Variants in KCNMA1 observed in about 807,000 individuals in gnomAD.
KCNMA1 encodes the protein potassium calcium-activated channel subfamily M alpha 1.
A neutral mutation model predicts 140.0 loss-of-function variants in KCNMA1; 29 were observed. That is an observed-to-expected ratio of 0.21 (90% CI 0.15 to 0.28). The LOEUF (loss-of-function observed/expected upper bound fraction) is 0.28. KCNMA1 is among the 10% of genes least tolerant of loss of function. KCNMA1 has a pLI of 1.00. For synonymous variants in KCNMA1, 612 were observed against 611.9 expected (o/e 1.00, Z 0.00); for missense variants, 880 against 1,602.2 (o/e 0.55, Z 7.70).
rs186119488 is a variant in KCNMA1 at position 77,609,556 on chromosome 10, A to T, written c.378+27709T>A. Among the ~76,000 whole-genome samples the T allele has an allele frequency of 8.5e-5, 13 of 152,346 alleles. 1 individual carries two copies. The highest frequency in any genetic ancestry group is 8.5e-4 in the Admixed American group (13 of 15,304). On this transcript the variant is annotated intron_variant, in intron 1 of 27. Transcript: ENST00000286628. ...ATAACAATTAATAACAATGTATTGT[A>T]TTCTTGAAAACTGCTAAGAAAAGAG...
At chr10:77,119,061 C>T (rs760128509) in intron 6 of KCNMA1, among the ~76,000 whole-genome samples, 34 of 152,290 alleles carry the variant, frequency 2.2e-4, no homozygotes, top group Middle Eastern at 6.8e-3. Flanking sequence ...CCTTCCACCC[C>T]GTGACTCTTC....
intron 5 of KCNMA1, among the ~76,000 whole-genome samples, chr10:77,159,425 CT>C (rs1437098830): frequency 6.6e-6 from 1 of 152,054 alleles, no homozygotes; most frequent in East Asian, 1.9e-4. Context: ...TTATGTAGGG[CT>C]TTGAGTGAGC....
chr10:77,320,696 T>C (rs919422234), intron 2 of KCNMA1, among the ~76,000 whole-genome samples: 3 of 152,106 alleles, frequency 2.0e-5, no homozygotes, highest in African/African-American at 7.2e-5. Context: ...AGCAGACACA[T>C]TGAACTAAAT....
At chr10:77,016,462 T>C (rs2092061825) in intron 17 of KCNMA1, among the ~76,000 whole-genome samples, 1 of 152,198 alleles carries the variant, frequency 6.6e-6, no homozygotes, top group Admixed American at 6.5e-5. Context: ...ACACATTTGA[T>C]GGGCGAATGA....
intron 5 of KCNMA1, among the ~76,000 whole-genome samples, chr10:77,173,640 C>T (rs1009697161): frequency 6.6e-6 from 1 of 151,974 alleles, no homozygotes; most frequent in Non-Finnish European, 1.5e-5. Flanking sequence ...GACACCTGGC[C>T]CAAAAAGGGA....
At chr10:76,941,143 GGGAAGGGAAGGGAGGGAAGGGAA>G (rs1206436222) in intron 23 of KCNMA1, among the ~76,000 whole-genome samples, 3 of 88,282 alleles carry the variant, frequency 3.4e-5, no homozygotes, top group Non-Finnish European at 5.4e-5. Context: ...GGGAAGGGAA[GGGAAGGGAAGGGAGGGAAGGGAA>G]GGAAGGAAGG....
At chr10:77,363,120 A>ATTT (rs59354140) in intron 2 of KCNMA1, among the ~76,000 whole-genome samples, 46,937 of 150,956 alleles carry the variant, frequency 0.31, 7,350 homozygotes, top group Admixed American at 0.37. Context: ...AATTATTATT[A>ATTT]TTTTTTTTTT....
chr10:76,928,805 C>T (rs1392565892), intron 23 of KCNMA1, among the ~76,000 whole-genome samples: 1 of 151,988 alleles, frequency 6.6e-6, no homozygotes, highest in African/African-American at 2.4e-5. Context: ...GAGTTGTTGC[C>T]GACACAGGCA....
intron 2 of KCNMA1, among the ~76,000 whole-genome samples, chr10:77,332,858 C>T (rs1204400919): frequency 6.6e-6 from 1 of 152,216 alleles, no homozygotes; most frequent in African/African-American, 2.4e-5. Flanking sequence ...AAACACTGGG[C>T]TTATTTAGCA....
intron 6 of KCNMA1, among the ~76,000 whole-genome samples, chr10:77,117,536 T>G (rs537427680): frequency 3.1e-5 from 1 of 32,462 alleles, no homozygotes; most frequent in Non-Finnish European, 5.5e-5. Flanking sequence ...CAAGAGTCTA[T>G]CTCAAAAAAA....
intron 23 of KCNMA1, among the ~76,000 whole-genome samples, chr10:76,943,842 G>A (rs1339669631): frequency 1.3e-5 from 2 of 152,178 alleles, no homozygotes; most frequent in Non-Finnish European, 2.9e-5. Flanking sequence ...TGATGGGGAG[G>A]AGGTCAGACA....
chr10:77,388,096 A>G (rs1213461453), intron 2 of KCNMA1, among the ~76,000 whole-genome samples: 2 of 152,236 alleles, frequency 1.3e-5, no homozygotes, highest in Non-Finnish European at 2.9e-5. Context: ...CTTAAACACT[A>G]GAGCCAGATA....
At chr10:77,136,068 T>A (rs975869511) in intron 5 of KCNMA1, among the ~76,000 whole-genome samples, 5 of 152,192 alleles carry the variant, frequency 3.3e-5, no homozygotes, top group Non-Finnish European at 7.4e-5. Flanking sequence ...GTCTTATAAT[T>A]CCATTGTGGA....
At chr10:77,009,903 G>C (rs2090286203) in intron 18 of KCNMA1, among the ~76,000 whole-genome samples, 1 of 152,096 alleles carries the variant, frequency 6.6e-6, no homozygotes, top group Non-Finnish European at 1.5e-5. Context: ...GGCTATCTCT[G>C]AATTTATTTA....
Position 77,178,538 on chromosome 10 carries a change from C to T in KCNMA1, c.808+4883G>A, listed in dbSNP as rs961948438. Reference sequence around the variant, plus strand: ...CCTGGCCAACATGGCGATCCCGTCTCTACTAAAAATACAAACATTAGCTGG... The same window carrying T: ...CCTGGCCAACATGGCGATCCCGTCTTTACTAAAAATACAAACATTAGCTGG... On this transcript the variant is annotated intron_variant, in intron 5 of 27. Transcript: ENST00000286628. Among the ~76,000 whole-genome samples, 8 of 152,074 alleles carry T rather than the reference C, an allele frequency of 5.3e-5. No individual in the cohort carries two copies. In the East Asian group the frequency reaches 7.7e-4, roughly 15 times the overall value.
At chr10:77,082,136 C>G (rs1043169468) in intron 12 of KCNMA1, among the ~76,000 whole-genome samples, 2 of 149,952 alleles carry the variant, frequency 1.3e-5, no homozygotes, top group Middle Eastern at 3.4e-3. Flanking sequence ...TCAAGCGATT[C>G]CCCTGCCTCA....
chr10:77,144,988 C>A (rs900569272), intron 5 of KCNMA1, among the ~76,000 whole-genome samples: 4 of 152,200 alleles, frequency 2.6e-5, no homozygotes, highest in African/African-American at 9.7e-5. Flanking sequence ...GTCTGACACT[C>A]AGCAAATTCT....
intron 14 of KCNMA1, among the ~76,000 whole-genome samples, chr10:77,042,379 A>G (rs542643375): frequency 6.6e-6 from 1 of 152,322 alleles, no homozygotes; most frequent in Admixed American, 6.5e-5. Flanking sequence ...CTGCCTTAGT[A>G]AAAAAATGTT....
intron 1 of KCNMA1, among the ~76,000 whole-genome samples, chr10:77,513,336 A>T (rs552737163): frequency 6.6e-6 from 1 of 152,142 alleles, no homozygotes; most frequent in Non-Finnish European, 1.5e-5. Context: ...CATCCATCAC[A>T]AAGAAACCCT....
Sources: gnomAD v4.1 joint callset for allele counts (sites outside exome capture counted in the v4.1 genomes callset) on GRCh38, gnomAD v4.1.1 for gene constraint, MANE v1.5 for transcripts, NCBI Gene and HGNC (gene_info 2026-07-23, HGNC 2026-07-21) for gene names.